The following MAVS variants were observed in gnomAD, a reference collection of about 807,000 sequenced individuals.
MAVS encodes the protein mitochondrial antiviral-signaling protein.
A neutral mutation model predicts 30.2 loss-of-function variants in MAVS; 20 were observed. That is an observed-to-expected ratio of 0.66 (90% CI 0.47 to 0.96). The LOEUF is 0.96. MAVS is among the 40% of genes least tolerant of loss of function. The pLI, the probability that MAVS is intolerant of heterozygous loss-of-function variation, is 0.00. For missense variants in MAVS, 624 were observed against 701.1 expected, an observed-to-expected ratio of 0.89 and a Z score of 1.24; for synonymous variants, 278 against 293.9, an observed-to-expected ratio of 0.95 and a Z score of 0.55.
At chr20:3,848,388 C>T (rs577078313) in intron 1 of MAVS, among the ~76,000 whole-genome samples, 14 of 152,128 alleles carry the variant, frequency 9.2e-5, no homozygotes, top group East Asian at 3.9e-4. Context: ...CGTGAGCCAC[C>T]GCGCCCGGCC....
chr20:3,854,483 G>A, intron 1 of MAVS, 75 bp from the exon 2 acceptor site: 1 of 453,340 alleles, frequency 2.2e-6, no homozygotes, highest in Non-Finnish European at 3.9e-6. Context: ...AAAAAGTTGA[G>A]AAAGAATTGC....
rs769131183 is a variant in MAVS, at chr20:3,866,049, CA to C, written c.1526del (p.His509ProfsTer14). On this transcript the variant is annotated frameshift_variant, in exon 7 of 7. Coordinates refer to ENST00000428216, the MANE Select transcript of MAVS (RefSeq NM_020746.5). LOFTEE classifies it low-confidence loss of function (END_TRUNC). Reference sequence around the variant, plus strand: ...GTTCCAGGAGAGGGAGGTGCCATGCCACAGGCCCTCACCTGGGGCTCTGTGG... The same window carrying C: ...GTTCCAGGAGAGGGAGGTGCCATGCCCAGGCCCTCACCTGGGGCTCTGTGG... Reference protein sequence around the residue: ...RKFQEREVPCHRPSPGALWLQ... With the variant: ...RKFQEREVPCXRPSPGALWLQ... 6.2e-7 allele frequency: 1 copy of C among 1,612,430 alleles called. No homozygotes were observed. The highest frequency in any genetic ancestry group is 8.5e-7 in the Non-Finnish European group (1 of 1,180,014).
In MAVS at chr20:3,857,740, G is replaced by A. The variant is rs1404641650; in HGVS notation, c.223G>A (p.Ala75Thr). The change falls in exon 3 of 7, where the codon GCA (alanine) becomes ACA (threonine). Residue 75 changes from alanine to threonine, a missense_variant. Transcript: ENST00000428216. The part of the protein sequence containing the change: ...RPGWVEYFIA[A>T]LRGCELVDLA... Reference sequence around the variant, plus strand: ...CGGCTGGGTGGAGTACTTCATTGCGGCACTGAGGGGCTGTGAGCTAGTTGA... The same window carrying A: ...CGGCTGGGTGGAGTACTTCATTGCGACACTGAGGGGCTGTGAGCTAGTTGA... 3.1e-6 allele frequency: 5 copies of A among 1,614,104 alleles called. No individual in the cohort carries two copies. The highest frequency in any genetic ancestry group is 1.3e-5 in the African/African-American group (1 of 74,942).
Position 3,866,179 on chromosome 20 carries a change from G to C in MAVS, c.*32G>C, listed in dbSNP as rs762193818. 6.5e-6 allele frequency: 10 copies of C among 1,533,580 alleles called. No homozygotes were observed. The East Asian group carries it at 1.8e-4, about 28-fold the overall frequency. The allele number at this position is 1,533,580 out of a possible 1,614,324, so 95.0% of individuals were successfully genotyped here. A position where few individuals can be genotyped will look rare whatever the true frequency, so the allele number is the denominator to read the frequency against. ...CCTGGGCTCTTCCCACCACCCATCT[G>C]TTCCGTTCCTGCAGTACACCTGGCC... On this transcript the variant is annotated 3_prime_UTR_variant, in exon 7 of 7. Transcript: ENST00000428216.
In MAVS at chr20:3,864,308, C is replaced by T; in HGVS notation, c.678C>T (p.Ser226=). ...PSRGPVSPSV[S]FQPLARSTPR... ...GTGGGCCTGTGTCTCCATCTGTCTC[C>T]TTCCAGCCCCTGGCCCGTTCCACCC... Residue 226 remains serine, a synonymous_variant, in exon 6 of 7, where the codon TCC becomes TCT. Coordinates refer to ENST00000428216, the MANE Select transcript of MAVS (RefSeq NM_020746.5). The T allele has an allele frequency of 6.2e-7, 1 of 1,613,804 alleles. No homozygotes were observed.
intron 1 of MAVS, 47 bp from the exon 2 acceptor site, chr20:3,854,511 T>TCCCAACCC (rs1316594074): frequency 1.6e-5 from 9 of 566,840 alleles, no homozygotes; most frequent in South Asian, 1.0e-4. Context: ...CCAGCCCCAC[T>TCCCAACCC]CCCAACCCCC....
At chr20:3,849,577 T>G (rs2089740438) in intron 1 of MAVS, among the ~76,000 whole-genome samples, 1 of 152,184 alleles carries the variant, frequency 6.6e-6, no homozygotes, top group Non-Finnish European at 1.5e-5. Flanking sequence ...CATTCTTGTT[T>G]TAGGACTTTT....
rs546826199 is a variant in MAVS at position 3,865,817 on chromosome 20, G to A, written c.1293G>A (p.Pro431=). 2.7e-5 allele frequency: 43 copies of A among 1,613,968 alleles called. No homozygotes were observed. Among genetic ancestry groups the A allele is most frequent in the South Asian group, 1.8e-4 (16 of 91,088 alleles). ...PGVLASQVDS[P]FSGCFEDLAI... ...TGCTGGCATCCCAGGTAGACAGCCC[G>A]TTCTCGGGCTGCTTCGAGGATCTTG... The change falls in exon 7 of 7, where the codon CCG becomes CCA. Residue 431 remains proline, a synonymous_variant. Coordinates refer to ENST00000428216, the MANE Select transcript of MAVS (RefSeq NM_020746.5). This position sits in a 1 kb window ranked among gnomAD's most constrained non-coding sequence, Gnocchi z 4.7.
chr20:3,857,784 C>T lies in MAVS; in HGVS notation c.267C>T (p.Ala89=). The change falls in exon 3 of 7, where the codon GCC becomes GCT. Residue 89 remains alanine, a synonymous_variant. Coordinates refer to ENST00000428216, the MANE Select transcript of MAVS (RefSeq NM_020746.5). ...TAGTTGATCTCGCGGACGAAGTGGC[C>T]TCTGTCTACCAGAGCTACCAGCCTC... is the stretch of plus-strand genomic sequence containing the variant. ...CELVDLADEV[A]SVYQSYQPRT... is the part of the protein sequence containing the mutation. 1 of 1,614,212 alleles carries T rather than the reference C, an allele frequency of 6.2e-7. No homozygotes were observed.
chr20:3,847,138 A>C (rs1323384375), intron 1 of MAVS, among the ~76,000 whole-genome samples: 1 of 152,048 alleles, frequency 6.6e-6, no homozygotes, highest in Non-Finnish European at 1.5e-5. Context: ...AAAAGGGGGT[A>C]GGTGGCGCTG....
rs1332535324 is a variant in MAVS at position 3,865,581 on chromosome 20, T to C, written c.1159-102T>C. Reference sequence around the variant, plus strand: ...GCATTATAGATTGGGAATTGAGGGGTTGGAGTGTTAGTTCATGCCCTGGCC... The same window carrying C: ...GCATTATAGATTGGGAATTGAGGGGCTGGAGTGTTAGTTCATGCCCTGGCC... On this transcript the variant is annotated intron_variant, in intron 6 of 6. Coordinates refer to ENST00000428216, the MANE Select transcript of MAVS (RefSeq NM_020746.5). The surrounding 1 kb of genome is among the most constrained non-coding windows in gnomAD (Gnocchi z 4.7). The C allele has an allele frequency of 3.7e-6, 4 of 1,081,780 alleles. No homozygotes were observed. Among genetic ancestry groups the C allele is most frequent in the African/African-American group, 1.6e-5 (1 of 62,626 alleles). The allele number at this position is 1,081,780 out of a possible 1,614,324, so 67.0% of individuals were successfully genotyped here.
chr20:3,863,399 C>A (rs192470893), intron 5 of MAVS, among the ~76,000 whole-genome samples: 2 of 152,182 alleles, frequency 1.3e-5, no homozygotes, highest in Non-Finnish European at 2.9e-5. Context: ...GGCTGGGAGA[C>A]GTCATCTTAG....
Position 3,858,759 on chromosome 20 carries a change from T to G in MAVS, c.292+950T>G, listed in dbSNP as rs151220113. On this transcript the variant is annotated intron_variant, in intron 3 of 6. Transcript: ENST00000428216. Reference sequence around the variant, plus strand: ...ACCCCCGAGACCCTGGTCACATTTATAGCTGTGGGACATCCATGTTTTTCT... The same window carrying G: ...ACCCCCGAGACCCTGGTCACATTTAGAGCTGTGGGACATCCATGTTTTTCT... 3.1e-3 allele frequency among the ~76,000 whole-genome samples: 469 copies of G among 151,358 alleles called. 5 individuals are homozygous for G. Among genetic ancestry groups the G allele is most frequent in the African/African-American group, 0.01 (414 of 41,338 alleles).
intron 1 of MAVS, among the ~76,000 whole-genome samples, chr20:3,852,678 T>TTTTGG (rs1462868127): frequency 6.6e-6 from 1 of 151,908 alleles, no homozygotes; most frequent in Non-Finnish European, 1.5e-5. Context: ...ATCTGATTCT[T>TTTTGG]TTTGGTCTTC....
intron 4 of MAVS, among the ~76,000 whole-genome samples, 159 bp downstream of exon 4, chr20:3,861,663 C>T (rs1415150000): frequency 1.3e-5 from 2 of 152,196 alleles, no homozygotes; most frequent in Admixed American, 1.3e-4. Flanking sequence ...TGCCCCAGAC[C>T]AGCTTCCAGG....
At chr20:3,848,254 A>G (rs992088136) in intron 1 of MAVS, among the ~76,000 whole-genome samples, 6 of 152,040 alleles carry the variant, frequency 3.9e-5, no homozygotes, top group Non-Finnish European at 7.4e-5. Context: ...GTGTGCCACC[A>G]TGCCTGGCTA....
intron 1 of MAVS, among the ~76,000 whole-genome samples, chr20:3,847,370 G>T (rs939344967): frequency 1.3e-5 from 2 of 152,214 alleles, no homozygotes; most frequent in Non-Finnish European, 1.5e-5. Flanking sequence ...GACCTGGGTC[G>T]CGCCCAGGAA....
Position 3,857,566 on chromosome 20 carries a change from C to T in MAVS, c.118-69C>T, listed in dbSNP as rs1161695148. On this transcript the variant is annotated intron_variant, in intron 2 of 6. Coordinates refer to ENST00000428216, the MANE Select transcript of MAVS (RefSeq NM_020746.5). ...CTTGGCACCCCTCCCCCCGCTGTGG[C>T]TTCATTCTGGGTGGGGAAGTGGCAG... is the stretch of plus-strand genomic sequence containing the variant. 18 of 1,539,294 alleles carry T rather than the reference C, an allele frequency of 1.2e-5. No individual in the cohort carries two copies. The Admixed American group carries it at 3.3e-4, about 29-fold the overall frequency.
chr20:3,860,213 A>G (rs2089854695), intron 3 of MAVS, among the ~76,000 whole-genome samples: 1 of 149,888 alleles, frequency 6.7e-6, no homozygotes, highest in Non-Finnish European at 1.5e-5. Context: ...AGCCTCTTTA[A>G]TCATGAGGAG....
Sources: allele counts gnomAD v4.1 joint callset (sites outside exome capture counted in the v4.1 genomes callset), GRCh38; gene constraint gnomAD v4.1.1; non-coding constraint Gnocchi (gnomAD v3.1); transcripts MANE v1.5; gene names NCBI Gene and HGNC (gene_info 2026-07-23, HGNC 2026-07-21).